Variants in SASH1 observed in about 807,000 individuals in gnomAD.
SASH1 encodes SAM and SH3 domain containing 1.
In SASH1, 44 loss-of-function variants were observed where a neutral mutation model predicts 125.2. The ratio of observed to expected loss-of-function variants is 0.35; its 90% CI spans 0.28 to 0.45. SASH1 has a LOEUF of 0.45. Ranked by LOEUF, SASH1 falls within the 20% of genes least tolerant of loss-of-function variation. The probability of loss-of-function intolerance (pLI) is 1.00; values close to 1 mark genes in which losing one functional copy is unlikely to be tolerated. For missense variants in SASH1, 1,426 were observed against 1,614.5 expected (o/e 0.88, Z 2.00); for synonymous variants, 639 against 649.1 (o/e 0.98, Z 0.24).
intron 12 of SASH1, among the ~76,000 whole-genome samples, chr6:148,527,988 T>TGGG (rs373045911): frequency 4.3e-5 from 5 of 115,158 alleles, no homozygotes; most frequent in African/African-American, 6.8e-5. Context: ...TTTTTTTTTT[T>TGGG]GGGGGGGGGG....
rs1779259330 is a variant in SASH1, at chr6:148,495,059, G to A, written c.729+7344G>A. ...CATTGTCTTCAAGCCAGAGGATTTA[G>A]TTTCGAAGTTTTGGAAGGAAAGGTA... is the stretch of plus-strand genomic sequence containing the variant. On this transcript the variant is annotated intron_variant, in intron 8 of 19. Coordinates refer to ENST00000367467, the MANE Select transcript of SASH1 (RefSeq NM_015278.5). The surrounding 1 kb of genome is among the most constrained non-coding windows in gnomAD (Gnocchi z 4.0). 6.6e-6 allele frequency among the ~76,000 whole-genome samples: 1 copy of A among 152,214 alleles called. No homozygotes were observed. The highest frequency in any genetic ancestry group is 1.5e-5 in the Non-Finnish European group (1 of 68,038).
intron 1 of SASH1, among the ~76,000 whole-genome samples, chr6:148,333,372 CAG>C (rs1781049709): frequency 6.6e-6 from 1 of 152,124 alleles, no homozygotes; most frequent in South Asian, 2.1e-4. Flanking sequence ...GACTGGGTGA[CAG>C]AGGGAGACCC....
At chr6:148,196,514 TC>T in the SASH1 span, among the ~76,000 whole-genome samples, 1 of 152,170 alleles carries the variant, frequency 6.6e-6, no homozygotes, top group Non-Finnish European at 1.5e-5. Flanking sequence ...GATCATCTCC[TC>T]CCAAGAGACC....
At chr6:148,300,905 A>T (rs1481140101) in intron 1 of SASH1, among the ~76,000 whole-genome samples, 1 of 152,204 alleles carries the variant, frequency 6.6e-6, no homozygotes, top group Non-Finnish European at 1.5e-5. Flanking sequence ...GAAGAAAAGG[A>T]CTAGTAAAAC....
intron 7 of SASH1, among the ~76,000 whole-genome samples, chr6:148,477,098 A>G (rs1348942645): frequency 6.6e-6 from 1 of 152,222 alleles, no homozygotes; most frequent in African/African-American, 2.4e-5. Context: ...TTAAGACTCA[A>G]CTATGAAACT....
chr6:148,450,827 C>G (rs1777066455), intron 4 of SASH1, among the ~76,000 whole-genome samples: 1 of 152,060 alleles, frequency 6.6e-6, no homozygotes, highest in African/African-American at 2.4e-5. Context: ...TTAAGATGCC[C>G]TACCTGATAC....
the SASH1 span, among the ~76,000 whole-genome samples, chr6:148,242,221 G>A: frequency 6.6e-6 from 1 of 152,184 alleles, no homozygotes; most frequent in Non-Finnish European, 1.5e-5. Flanking sequence ...CCTTGTGTAA[G>A]TAACAAGCTA....
the SASH1 span, among the ~76,000 whole-genome samples, chr6:148,207,593 C>T: frequency 6.6e-6 from 1 of 152,202 alleles, no homozygotes; most frequent in East Asian, 1.9e-4. Flanking sequence ...GAAGGACACA[C>T]AAAGAGAATA....
chr6:148,201,261 T>C, the SASH1 span, among the ~76,000 whole-genome samples: 1 of 152,218 alleles, frequency 6.6e-6, no homozygotes, highest in South Asian at 2.1e-4. Flanking sequence ...AGGTATTATC[T>C]AATTTTGTCT....
intron 2 of SASH1, among the ~76,000 whole-genome samples, chr6:148,398,950 G>A (rs992232886): frequency 4.6e-5 from 7 of 152,152 alleles, no homozygotes; most frequent in African/African-American, 1.2e-4. Context: ...TTTGCACATG[G>A]CACTATGGGA....
chr6:148,307,556 C>A (rs919019925), intron 1 of SASH1, among the ~76,000 whole-genome samples: 1 of 152,076 alleles, frequency 6.6e-6, no homozygotes, highest in African/African-American at 2.4e-5. Context: ...CGTGGCTGCC[C>A]CAAGGCTCCA....
chr6:148,197,605 C>A, the SASH1 span, among the ~76,000 whole-genome samples: 1 of 152,202 alleles, frequency 6.6e-6, no homozygotes, highest in Admixed American at 6.5e-5. Context: ...TTCCTCACAG[C>A]TGGACTCATG....
chr6:148,308,377 G>T (rs1780200880), intron 1 of SASH1, among the ~76,000 whole-genome samples: 1 of 149,098 alleles, frequency 6.7e-6, no homozygotes, highest in African/African-American at 2.5e-5. Flanking sequence ...CATATCAGTT[G>T]TTCATCAAAA....
intron 11 of SASH1, among the ~76,000 whole-genome samples, chr6:148,526,732 C>A (rs1260376111): frequency 6.6e-6 from 1 of 152,110 alleles, no homozygotes; most frequent in Non-Finnish European, 1.5e-5. Context: ...TGATGGAAAT[C>A]CAATCAGATG....
the SASH1 span, among the ~76,000 whole-genome samples, chr6:148,238,372 C>A: frequency 6.6e-6 from 1 of 151,996 alleles, no homozygotes; most frequent in African/African-American, 2.4e-5. Flanking sequence ...TACAGGCATG[C>A]GCCACCATCC....
chr6:148,408,210 C>T (rs1457530050), intron 2 of SASH1, among the ~76,000 whole-genome samples: 3 of 143,000 alleles, frequency 2.1e-5, no homozygotes, highest in African/African-American at 5.2e-5. Context: ...TGGGTTCAAG[C>T]GATTCTCCTG....
intron 4 of SASH1, among the ~76,000 whole-genome samples, chr6:148,455,874 C>T (rs147276137): frequency 9.4e-4 from 143 of 152,202 alleles, no homozygotes; most frequent in Admixed American, 1.6e-3. Context: ...GCTGTGGCAG[C>T]GAGAGGAAGG....
At chr6:148,427,971 A>G (rs1484746850) in intron 2 of SASH1, among the ~76,000 whole-genome samples, 1 of 152,256 alleles carries the variant, frequency 6.6e-6, no homozygotes, top group Non-Finnish European at 1.5e-5. Context: ...TCCATGTGGT[A>G]TCTTTCAGAG....
At chr6:148,268,578 G>C (rs1778993417), upstream of SASH1, among the ~76,000 whole-genome samples, 1 of 152,224 alleles carries the variant, frequency 6.6e-6, no homozygotes, top group African/African-American at 2.4e-5. Context: ...TGGTCTATCA[G>C]CTTCTGCTGA....
Sources: allele counts gnomAD v4.1 joint callset (sites outside exome capture counted in the v4.1 genomes callset), GRCh38; gene constraint gnomAD v4.1.1; non-coding constraint Gnocchi (gnomAD v3.1); transcripts MANE v1.5; gene names NCBI Gene and HGNC (gene_info 2026-07-23, HGNC 2026-07-21).